POLR1E: variants seen among roughly 807,000 people sequenced by gnomAD.
The protein encoded by POLR1E is RNA polymerase I subunit E, also known as DNA-directed RNA polymerase I subunit RPA49.
POLR1E carries 37 observed loss-of-function variants against 50.9 expected under a neutral mutation model. The ratio of observed to expected loss-of-function variants is 0.73; its 90% confidence interval spans 0.56 to 0.96. The LOEUF (loss-of-function observed/expected upper bound fraction) is 0.96. Among genes scored for constraint, POLR1E ranks in the 40% least tolerant of loss-of-function variants. The pLI, the probability that POLR1E is intolerant of heterozygous loss-of-function variation, is 0.00. For synonymous variants in POLR1E, 166 were observed against 191.6 expected, an observed-to-expected ratio of 0.87 and a Z score of 1.10; for missense variants, 426 against 518.1, an observed-to-expected ratio of 0.82 and a Z score of 1.73.
At chr9:37,493,404 A>C (rs1038938330) in intron 5 of POLR1E, among the ~76,000 whole-genome samples, 155 bp from the exon 6 acceptor site, 3 of 152,218 alleles carry the variant, frequency 2.0e-5, no homozygotes, top group African/African-American at 7.2e-5. Flanking sequence ...TGGTGCTTAC[A>C]GCAGTCCTGT....
At chr9:37,496,138 G>C in intron 8 of POLR1E, 152 bp downstream of exon 8, 1 of 611,200 alleles carries the variant, frequency 1.6e-6, no homozygotes, top group Non-Finnish European at 3.0e-6. Flanking sequence ...GAATGTTTGG[G>C]CTTTCAGGAG....
intron 3 of POLR1E, 104 bp downstream of exon 3, chr9:37,488,043 T>C (rs978900458): frequency 1.7e-6 from 2 of 1,143,762 alleles, no homozygotes; most frequent in Non-Finnish European, 2.6e-6. Flanking sequence ...AGGAGCCATC[T>C]AGAGAGGTTT....
In POLR1E at chr9:37,498,152, C is replaced by G; in HGVS notation, c.814C>G (p.Arg272Gly). The G allele has an allele frequency of 6.2e-7, 1 of 1,613,960 alleles. No homozygotes were observed. The highest frequency in any genetic ancestry group is 8.5e-7 in the Non-Finnish European group (1 of 1,179,898). The change falls in exon 9 of 12, where the codon CGC becomes GGC. Residue 272 changes from arginine to glycine, a missense_variant. Arg to Gly is a moderately radical substitution (Grantham distance 125). Transcript: ENST00000377798. ...SLPSDVESRD[R>G]QARCIWFLDT... ...GCCATCAGATGTGGAGAGCCGAGAC[C>G]GCCAGGCCCGATGCATATGGTTTCT...
intron 1 of POLR1E, 35 bp from the exon 2 acceptor site, chr9:37,486,668 T>C (rs1375825062): frequency 1.2e-6 from 2 of 1,614,138 alleles, no homozygotes; most frequent in Non-Finnish European, 1.7e-6. Flanking sequence ...TGTGGCCTTC[T>C]GCTCTCATCT....
chr9:37,487,703 C>G (rs573284650), intron 2 of POLR1E, among the ~76,000 whole-genome samples, 160 bp from the exon 3 acceptor site: 72 of 152,326 alleles, frequency 4.7e-4, no homozygotes, highest in Admixed American at 2.0e-4. Flanking sequence ...ACCCCATATT[C>G]CCTTAGAGAT....
In POLR1E at chr9:37,487,867, C is replaced by T. The variant is rs1299209745; in HGVS notation, c.185C>T (p.Ala62Val). ...TTTCCCCTCTCTGCATTTTAGGCAG[C>T]TGAAACAGATAGGCTCTCCTATGTG... ...PRKRNQRILA[A>V]ETDRLSYVGN... The change falls in exon 3 of 12, where the codon GCT becomes GTT. Residue 62 changes from alanine (A) to valine (V), a missense_variant. Physicochemically the swap from Ala to Val is moderately conservative, Grantham distance 64. Transcript: ENST00000377798. 1 of 1,614,180 alleles carries T rather than the reference C, an allele frequency of 6.2e-7. No individual in the cohort carries two copies. The highest frequency in any genetic ancestry group is 1.3e-5 in the African/African-American group (1 of 75,060).
At chr9:37,501,574 C>A in intron 10 of POLR1E, 139 bp from the exon 11 acceptor site, 1 of 1,054,614 alleles carries the variant, frequency 9.5e-7, no homozygotes, top group Non-Finnish European at 1.3e-6. Context: ...GGCAAAGTCA[C>A]CCACATTCCT....
chr9:37,485,993 T>G lies in POLR1E; in HGVS notation c.-55T>G, dbSNP rs1820563141. 1 of 1,569,862 alleles carries G rather than the reference T, an allele frequency of 6.4e-7. No individual in the cohort carries two copies. Among genetic ancestry groups the G allele is most frequent in the Non-Finnish European group, 8.6e-7 (1 of 1,157,500 alleles). ...GCCTGGGCTCCCGCGTGTTTAAAAGTGCGCTTGTGGCTGCTGCTGTCTTAA... is the reference window on the plus strand; with the variant it reads ...GCCTGGGCTCCCGCGTGTTTAAAAGGGCGCTTGTGGCTGCTGCTGTCTTAA... On this transcript the variant is annotated 5_prime_UTR_variant, in exon 1 of 12. Transcript: ENST00000377798.
intron 4 of POLR1E, chr9:37,490,551 T>C: frequency 1.4e-6 from 1 of 732,064 alleles, no homozygotes; most frequent in Non-Finnish European, 2.5e-6. Context: ...CTCTTTTGCT[T>C]CTGTCTTTTT....
chr9:37,492,824 T>C, intron 5 of POLR1E, 109 bp downstream of exon 5: 1 of 907,046 alleles, frequency 1.1e-6, no homozygotes, highest in Non-Finnish European at 1.8e-6. Flanking sequence ...CCCTGGCTGC[T>C]CCCCGCTCAT....
intron 8 of POLR1E, among the ~76,000 whole-genome samples, chr9:37,497,819 C>T (rs1000290046): frequency 2.0e-5 from 3 of 152,030 alleles, no homozygotes; most frequent in Non-Finnish European, 4.4e-5. Flanking sequence ...GGCTGGAGTA[C>T]AGTGGCGCAG....
intron 5 of POLR1E, 145 bp downstream of exon 5, chr9:37,492,860 T>C (rs1405067211): frequency 1.2e-5 from 9 of 728,222 alleles, no homozygotes; most frequent in Non-Finnish European, 2.1e-5. Flanking sequence ...GGACAATTAG[T>C]TTGTACCTGC....
At chr9:37,486,659 G>A (rs377343041) in intron 1 of POLR1E, 44 bp from the exon 2 acceptor site, 1 of 1,613,738 alleles carries the variant, frequency 6.2e-7, no homozygotes, top group African/African-American at 1.3e-5. Flanking sequence ...GGTACATTGT[G>A]TGGCCTTCTG....
At chr9:37,487,418 G>A (rs1411736433) in intron 2 of POLR1E, among the ~76,000 whole-genome samples, 3 of 152,324 alleles carry the variant, frequency 2.0e-5, no homozygotes, top group African/African-American at 2.4e-5. Context: ...TTGGTGTTTC[G>A]AGTGAAAAGG....
intron 1 of POLR1E, 193 bp downstream of exon 1, chr9:37,486,316 A>G: frequency 1.5e-6 from 2 of 1,316,462 alleles, no homozygotes; most frequent in Admixed American, 2.8e-5. Context: ...CCAGATTGGG[A>G]CATCCCACTC....
chr9:37,500,553 T>C (rs1820867394), intron 9 of POLR1E, among the ~76,000 whole-genome samples: 1 of 152,244 alleles, frequency 6.6e-6, no homozygotes, highest in Non-Finnish European at 1.5e-5. Context: ...AGCACAATTT[T>C]TGTTTTCTAA....
chr9:37,496,160 A>C (rs1471927131), intron 8 of POLR1E, among the ~76,000 whole-genome samples, 174 bp downstream of exon 8: 1 of 152,172 alleles, frequency 6.6e-6, no homozygotes, highest in Non-Finnish European at 1.5e-5. Flanking sequence ...TGTGGGTCAC[A>C]TTCGAGGGAG....
chr9:37,500,730 G>C, intron 9 of POLR1E, 110 bp from the exon 10 acceptor site: 1 of 756,198 alleles, frequency 1.3e-6, no homozygotes, highest in Non-Finnish European at 2.3e-6. Flanking sequence ...CTTACCACCT[G>C]GTTCTGGTCA....
At chr9:37,501,622 T>G in intron 10 of POLR1E, 91 bp from the exon 11 acceptor site, 299 of 1,453,870 alleles carry the variant, frequency 2.1e-4, no homozygotes, top group East Asian at 3.5e-4. Context: ...TCCGTGCATA[T>G]GAGAATAGGA....
Sources: gnomAD v4.1 joint callset for allele counts (sites outside exome capture counted in the v4.1 genomes callset) on GRCh38, gnomAD v4.1.1 for gene constraint, MANE v1.5 for transcripts, NCBI Gene and HGNC (gene_info 2026-07-23, HGNC 2026-07-21) for gene names.